The following ZDHHC1 variants were observed in gnomAD, a reference collection of about 807,000 sequenced individuals.
ZDHHC1 encodes the protein palmitoyltransferase ZDHHC1.
In ZDHHC1, 45 loss-of-function variants were observed where a neutral mutation model predicts 46.9. The observed-to-expected ratio is 0.96, with a 90% CI of 0.76 to 1.23. ZDHHC1 has a LOEUF of 1.23. Ranked by LOEUF, ZDHHC1 falls within the 50% of genes most tolerant of loss-of-function variation. ZDHHC1 has a pLI of 0.00. For missense variants in ZDHHC1, 649 were observed against 670.8 expected (o/e 0.97, Z 0.36); for synonymous variants, 291 against 286.0 (o/e 1.02, Z -0.18).
rs1485769568 is a variant in ZDHHC1, at chr16:67,401,591, G to A, written c.253-459C>T. ...TTTCATAGGAAGTCACCTCCAAAAG[G>A]GATGCAGCCACCCCCCTTTTCAGTA... On this transcript the variant is annotated intron_variant, in intron 3 of 11. Coordinates refer to ENST00000565726, the MANE Select transcript of ZDHHC1 (RefSeq NM_001323627.2). This position sits in a 1 kb window ranked among gnomAD's most constrained non-coding sequence, Gnocchi z 4.6. Among the ~76,000 whole-genome samples, 2 of 152,166 alleles carry A rather than the reference G, an allele frequency of 1.3e-5. No homozygotes were observed. Among genetic ancestry groups the A allele is most frequent in the East Asian group, 1.9e-4 (1 of 5,200 alleles).
At chr16:67,409,509 G>A (rs1486131369) in intron 1 of ZDHHC1, among the ~76,000 whole-genome samples, 3 of 152,240 alleles carry the variant, frequency 2.0e-5, no homozygotes, top group Non-Finnish European at 4.4e-5. Context: ...CCAGAGGCAT[G>A]CCCAGGCCAG....
In ZDHHC1 at chr16:67,395,243, G is replaced by T. The variant is rs1299147652; in HGVS notation, c.1048C>A (p.Pro350Thr). The T allele has an allele frequency of 1.3e-6, 2 of 1,592,766 alleles. No homozygotes were observed. Among genetic ancestry groups the T allele is most frequent in the Non-Finnish European group, 1.7e-6 (2 of 1,169,150 alleles). The change falls in exon 10 of 12, where the codon CCT (proline) becomes ACT (threonine). Residue 350 changes from proline (P) to threonine (T), a missense_variant. Coordinates refer to ENST00000565726, the MANE Select transcript of ZDHHC1 (RefSeq NM_001323627.2). Reference sequence around the variant, plus strand: ...GTGTCTGGGGAAGAGGGTGGTGGAGGTTCCGCTTGGCCACGGGTGGCAAGA... The same window carrying T: ...GTGTCTGGGGAAGAGGGTGGTGGAGTTTCCGCTTGGCCACGGGTGGCAAGA... Reference protein sequence around the residue: ...QFLATRGQAEPPPPSSPDTLA... With the variant: ...QFLATRGQAETPPPSSPDTLA...
At chr16:67,397,285 G>A (rs576919907) in intron 8 of ZDHHC1, among the ~76,000 whole-genome samples, 53 of 152,304 alleles carry the variant, frequency 3.5e-4, no homozygotes, top group East Asian at 3.9e-4. Flanking sequence ...CTGGGCCTCC[G>A]TCTCCTCTTG....
In ZDHHC1 at chr16:67,397,653, G is replaced by A. The variant is rs529565785; in HGVS notation, c.927+559C>T. Among the ~76,000 whole-genome samples, 13 of 152,298 alleles carry A rather than the reference G, an allele frequency of 8.5e-5. No homozygotes were observed. The South Asian group carries it at 2.3e-3, about 27-fold the overall frequency. On this transcript the variant is annotated intron_variant, in intron 8 of 11. Transcript: ENST00000565726. ...CGACTGGATCACCCCCACCCCAGCG[G>A]CTGACCTCAGGAAGCCATGGGGCGT...
intron 3 of ZDHHC1, among the ~76,000 whole-genome samples, chr16:67,403,163 G>A (rs942322481): frequency 2.0e-5 from 3 of 152,318 alleles, no homozygotes; most frequent in Admixed American, 2.0e-4. Flanking sequence ...GTGCCAACCA[G>A]CAGTTTGGCT....
Position 67,394,826 on chromosome 16 carries a change from G to T in ZDHHC1, c.1233C>A (p.Ala411=). 1.9e-6 allele frequency: 3 copies of T among 1,544,422 alleles called. No individual in the cohort carries two copies. Among genetic ancestry groups the T allele is most frequent in the Admixed American group, 2.0e-5 (1 of 50,986 alleles). The change falls in exon 12 of 12, where the codon GCC becomes GCA. Residue 411 remains alanine (A), a synonymous_variant. Coordinates refer to ENST00000565726, the MANE Select transcript of ZDHHC1 (RefSeq NM_001323627.2). ...AGTGGTAGGCGCCGGCAGGGCCAGC[G>T]GCGTGCACAGGGCTGGCGTCCGCGG... ...TDSADASPVH[A]AGPAGAYHSA... is the part of the protein sequence containing the mutation.
chr16:67,398,595 C>T lies in ZDHHC1; in HGVS notation c.792G>A (p.Leu264=), dbSNP rs1170915322. ...GLLSTALLGH[L]LCFHIYLMWH... is the part of the protein sequence containing the mutation. ...TACTGAGATAAATGTGGAAGCAGAG[C>T]AGGTGCCCCAGGAGGGCTGTGGACA... Residue 264 remains leucine, a synonymous_variant, in exon 7 of 12, where the codon CTG becomes CTA. Coordinates refer to ENST00000565726, the MANE Select transcript of ZDHHC1 (RefSeq NM_001323627.2). 3.1e-6 allele frequency: 5 copies of T among 1,603,734 alleles called. No homozygotes were observed. Among genetic ancestry groups the T allele is most frequent in the Admixed American group, 3.4e-5 (2 of 58,454 alleles).
intron 4 of ZDHHC1, 111 bp from the exon 5 acceptor site, chr16:67,399,567 GAC>G (rs2040507451): frequency 2.3e-6 from 2 of 861,082 alleles, no homozygotes; most frequent in South Asian, 1.9e-5. Flanking sequence ...CCAGGCCTGA[GAC>G]AGCCCCGAGC....
At chr16:67,404,981 A>C (rs2040627018) in intron 3 of ZDHHC1, among the ~76,000 whole-genome samples, 1 of 152,164 alleles carries the variant, frequency 6.6e-6, no homozygotes, top group African/African-American at 2.4e-5. Flanking sequence ...TCACAGGAGG[A>C]ATGTCCCATG....
intron 8 of ZDHHC1, chr16:67,395,915 A>G: frequency 3.5e-6 from 1 of 282,066 alleles, no homozygotes; most frequent in Non-Finnish European, 6.8e-6. Flanking sequence ...CCAGGGATCC[A>G]GCCTCTGAAC....
chr16:67,411,130 T>C (rs180981744), intron 1 of ZDHHC1, among the ~76,000 whole-genome samples: 28 of 152,090 alleles, frequency 1.8e-4, no homozygotes, highest in Admixed American at 3.9e-4. Flanking sequence ...CTGAAATTCA[T>C]GCCTAGCACT....
intron 3 of ZDHHC1, among the ~76,000 whole-genome samples, chr16:67,403,838 T>C (rs2040601139): frequency 6.6e-6 from 1 of 152,164 alleles, no homozygotes; most frequent in African/African-American, 2.4e-5. Context: ...GGTCTGGAAC[T>C]CCTGACCTCA....
intron 5 of ZDHHC1, 74 bp downstream of exon 5, chr16:67,399,281 C>T (rs920138988): frequency 7.3e-6 from 10 of 1,361,306 alleles, no homozygotes; most frequent in South Asian, 3.9e-5. Flanking sequence ...GCCTGCCATG[C>T]GAGCTGCAAG....
intron 1 of ZDHHC1, among the ~76,000 whole-genome samples, chr16:67,408,232 C>G (rs955633264): frequency 6.0e-5 from 9 of 150,816 alleles, no homozygotes; most frequent in Non-Finnish European, 8.9e-5. Context: ...GTGGCACCAT[C>G]ACAGCTCACT....
rs565910338 is a variant in ZDHHC1, at chr16:67,399,068, C to T, written c.531-124G>A. The T allele has an allele frequency of 2.3e-5, 31 of 1,361,320 alleles. No individual in the cohort carries two copies. In the South Asian group the frequency reaches 4.1e-4, roughly 18 times the overall value. The allele number at this position is 1,361,320 out of a possible 1,614,324, so 84.3% of individuals were successfully genotyped here. ...GCTGAGGGTGACCCCACAGCCCCAA[C>T]TCCTCAGAAGCCAAAGGCATACGGC... is the stretch of plus-strand genomic sequence containing the variant. On this transcript the variant is annotated intron_variant, in intron 5 of 11. Transcript: ENST00000565726.
At chr16:67,400,046 G>A (rs573717476) in intron 4 of ZDHHC1, among the ~76,000 whole-genome samples, 4 of 152,344 alleles carry the variant, frequency 2.6e-5, no homozygotes, top group South Asian at 2.1e-4. Flanking sequence ...GGGAGGCACC[G>A]GGGAAGGCCC....
chr16:67,398,008 A>G (rs1056055727), intron 8 of ZDHHC1, among the ~76,000 whole-genome samples: 2 of 152,128 alleles, frequency 1.3e-5, no homozygotes, highest in African/African-American at 4.8e-5. Context: ...GCAGGTGTGT[A>G]CGTGGGGTCC....
rs2040401592 is a variant in ZDHHC1 at position 67,395,172 on chromosome 16, C to A, written c.1104+15G>T. ...CACTCCACCTGGACCGGAGGCCCAG[C>A]ACAGTCCCTCCTACCTGGGGTCGGA... On this transcript the variant is annotated intron_variant, in intron 10 of 11. Coordinates refer to ENST00000565726, the MANE Select transcript of ZDHHC1 (RefSeq NM_001323627.2). The A allele has an allele frequency of 6.2e-7, 1 of 1,612,810 alleles. No individual in the cohort carries two copies. Among genetic ancestry groups the A allele is most frequent in the African/African-American group, 1.3e-5 (1 of 74,940 alleles).
chr16:67,397,371 G>A (rs1389394527), intron 8 of ZDHHC1, among the ~76,000 whole-genome samples: 1 of 152,216 alleles, frequency 6.6e-6, no homozygotes, highest in African/African-American at 2.4e-5. Flanking sequence ...CAGGTATACG[G>A]TGGTGTAACA....
Sources: gnomAD v4.1 joint callset for allele counts (sites outside exome capture counted in the v4.1 genomes callset) on GRCh38, gnomAD v4.1.1 for gene constraint, Gnocchi (gnomAD v3.1) non-coding constraint, MANE v1.5 for transcripts, NCBI Gene and HGNC (gene_info 2026-07-23, HGNC 2026-07-21) for gene names.